The following MDM1 variants were observed in gnomAD, a reference collection of about 807,000 sequenced individuals.
The protein encoded by MDM1 is stabilizer of axonemal microtubules 6.
MDM1 carries 61 observed loss-of-function variants against 89.1 expected under a neutral mutation model. That is an observed-to-expected ratio of 0.68 (90% CI 0.56 to 0.85). MDM1 has a LOEUF of 0.85. Among genes scored for constraint, MDM1 ranks in the 40% least tolerant of loss-of-function variants. The pLI is 0.00. For missense variants in MDM1, 820 were observed against 846.5 expected, an observed-to-expected ratio of 0.97 and a Z score of 0.39; for synonymous variants, 290 against 294.1, an observed-to-expected ratio of 0.99 and a Z score of 0.14.
chr12:68,324,889 G>T, intron 4 of MDM1: 1 of 475,908 alleles, frequency 2.1e-6, no homozygotes, highest in Non-Finnish European at 2.7e-6. Flanking sequence ...AATTGTGCAG[G>T]AGTATAATGA....
chr12:68,329,180 A>T (rs1056290855), intron 2 of MDM1, among the ~76,000 whole-genome samples: 2 of 152,186 alleles, frequency 1.3e-5, no homozygotes, highest in Non-Finnish European at 2.9e-5. Context: ...GGTCATTTGT[A>T]AAAAGAGGAT....
At chr12:68,295,839 T>C (rs189766003) in intron 14 of MDM1, among the ~76,000 whole-genome samples, 4 of 152,348 alleles carry the variant, frequency 2.6e-5, no homozygotes, top group Admixed American at 6.5e-5. Context: ...GATTTTAATA[T>C]GCTACCCTTC....
rs186793573 is a variant in MDM1 at position 68,295,006 on chromosome 12, C to T, written c.*248G>A. 2.4e-3 allele frequency: 564 copies of T among 230,462 alleles called. 2 individuals carry two copies. Among genetic ancestry groups the T allele is most frequent in the African/African-American group, 0.012 (522 of 43,298 alleles). The allele number at this position is 230,462 out of a possible 1,614,324, so 14.3% of individuals were successfully genotyped here. ...GAAAATCTATCCATGACACCTATTA[C>T]GAAAGTTACATGTGAAGAATTCAAT... On this transcript the variant is annotated 3_prime_UTR_variant, in exon 15 of 15. Coordinates refer to ENST00000682720, the MANE Select transcript of MDM1 (RefSeq NM_001354969.2).
chr12:68,327,407 A>C, intron 2 of MDM1: 3 of 1,535,734 alleles, frequency 2.0e-6, no homozygotes, highest in Non-Finnish European at 2.6e-6. Flanking sequence ...GTACTGTCAA[A>C]ATTTGGAACT....
intron 14 of MDM1, among the ~76,000 whole-genome samples, chr12:68,296,228 G>A (rs1447021556): frequency 2.0e-5 from 3 of 152,234 alleles, no homozygotes; most frequent in African/African-American, 4.8e-5. Flanking sequence ...GGCTGGGCAT[G>A]GTGGCTCACG....
intron 10 of MDM1, 94 bp downstream of exon 10, chr12:68,314,854 A>T (rs958280811): frequency 9.1e-6 from 10 of 1,093,924 alleles, no homozygotes; most frequent in Non-Finnish European, 1.3e-5. Context: ...TATTAGTCAT[A>T]AAATCAAAAG....
rs1872360304 is a variant in MDM1 at position 68,302,786 on chromosome 12, T to C, written c.1836A>G (p.Glu612=). 1.9e-6 allele frequency: 3 copies of C among 1,613,592 alleles called. No individual in the cohort carries two copies. Among genetic ancestry groups the C allele is most frequent in the African/African-American group, 2.7e-5 (2 of 74,820 alleles). The stretch of plus-strand genomic sequence containing the variant: ...CCTCAGCAAATTTGTGGATATTGTC[T>C]TCAGAATCTTCCCGCAAAGGCAGAG... ...VDPLPLREDS[E]DNIHKFAEAT... The change falls in exon 13 of 15, where the codon GAA becomes GAG. Residue 612 remains glutamate, a synonymous_variant. Transcript: ENST00000682720.
intron 12 of MDM1, among the ~76,000 whole-genome samples, chr12:68,303,390 C>A (rs1398834307): frequency 6.6e-6 from 1 of 152,018 alleles, no homozygotes; most frequent in Non-Finnish European, 1.5e-5. Context: ...AAACTGGCAA[C>A]CTCATAGACT....
rs773204870 is a variant in MDM1 at position 68,302,601 on chromosome 12, T to A, written c.2002+19A>T. 10 of 1,594,296 alleles carry A rather than the reference T, an allele frequency of 6.3e-6. No individual in the cohort carries two copies. The East Asian group carries it at 2.0e-4, about 32-fold the overall frequency. ...ACACTTTATTTTAAAAGACAAAAAA[T>A]TAAAACCAAAATAATTACCATTGTG... On this transcript the variant is annotated intron_variant, in intron 13 of 14. Transcript: ENST00000682720.
chr12:68,296,410 A>G (rs1282539536), intron 14 of MDM1, among the ~76,000 whole-genome samples: 4 of 152,234 alleles, frequency 2.6e-5, no homozygotes, highest in African/African-American at 9.6e-5. Flanking sequence ...AGGCAGGAGA[A>G]TCGCTTGAAC....
chr12:68,304,248 A>C (rs1401135358), intron 12 of MDM1, among the ~76,000 whole-genome samples: 1 of 151,188 alleles, frequency 6.6e-6, no homozygotes, highest in Non-Finnish European at 1.5e-5. Context: ...ATATCTATTT[A>C]TTTAAAAAAA....
chr12:68,331,153 G>A lies in MDM1; in HGVS notation c.87C>T (p.Ser29=), dbSNP rs1324285271. 3 of 1,611,966 alleles carry A rather than the reference G, an allele frequency of 1.9e-6. No homozygotes were observed. Among genetic ancestry groups the A allele is most frequent in the South Asian group, 2.2e-5 (2 of 91,042 alleles). ...CAGCCCATGGGTACTTTCGCCCCAC[G>A]GAGGAATTACAAGACTCGGACAAAT... is the stretch of plus-strand genomic sequence containing the variant. ...KSYLSESCNS[S]VGRKYPWAGL... The change falls in exon 2 of 15, where the codon TCC becomes TCT. Residue 29 remains serine, a synonymous_variant. Coordinates refer to ENST00000682720, the MANE Select transcript of MDM1 (RefSeq NM_001354969.2).
intron 3 of MDM1, 35 bp downstream of exon 3, chr12:68,326,622 A>G: frequency 6.2e-7 from 1 of 1,614,120 alleles, no homozygotes; most frequent in Non-Finnish European, 8.5e-7. Context: ...GAAGAATTCT[A>G]TGCTTTTGAA....
At chr12:68,296,303 T>G (rs112299649) in intron 14 of MDM1, among the ~76,000 whole-genome samples, 7,389 of 152,134 alleles carry the variant, frequency 0.049, 440 homozygotes, top group African/African-American at 0.14. Flanking sequence ...TTTGAGACCA[T>G]CCTGGCCAAC....
intron 5 of MDM1, 57 bp downstream of exon 5, chr12:68,323,016 G>A (rs1043800590): frequency 1.6e-5 from 24 of 1,524,138 alleles, no homozygotes; most frequent in South Asian, 2.5e-5. Flanking sequence ...AAACGAAAAC[G>A]TGGAGAATCT....
At position 68,316,164 on chromosome 12, in the gene MDM1, A is replaced by G; in HGVS notation, c.1125T>C (p.Ser375=). The change falls in exon 9 of 15, where the codon TCT becomes TCC. Residue 375 remains serine (S), a synonymous_variant. Transcript: ENST00000682720. ...AGACATCCCAACAGCAGTTGCTATC[A>G]GATAAAATCTGATTCAGATGGTCCC... is the stretch of plus-strand genomic sequence containing the variant. ...FSRDHLNQIL[S]DSNCCWDVSS... The G allele has an allele frequency of 6.2e-7, 1 of 1,614,130 alleles. No homozygotes were observed. Among genetic ancestry groups the G allele is most frequent in the Non-Finnish European group, 8.5e-7 (1 of 1,179,990 alleles).
At chr12:68,328,095 TC>T (rs1876273533) in intron 2 of MDM1, among the ~76,000 whole-genome samples, 1 of 152,150 alleles carries the variant, frequency 6.6e-6, no homozygotes, top group Admixed American at 6.5e-5. Flanking sequence ...TGAAACTTAC[TC>T]CAGTGCGTCC....
At position 68,314,846 on chromosome 12, in the gene MDM1, T is replaced by C. The variant is rs1874236287; in HGVS notation, c.1529+102A>G. 4.0e-6 allele frequency: 4 copies of C among 998,238 alleles called. No individual in the cohort carries two copies. The African/African-American group carries it at 4.9e-5, about 12-fold the overall frequency. 61.8% of individuals were successfully genotyped at this position (998,238 alleles called of 1,614,324 possible). ...ACATTGAAATAAAATCTGCAATTTATTAGTCATAAAATCAAAAGAGTAAAC... is the reference window on the plus strand; with the variant it reads ...ACATTGAAATAAAATCTGCAATTTACTAGTCATAAAATCAAAAGAGTAAAC... On this transcript the variant is annotated intron_variant, in intron 10 of 14. Coordinates refer to ENST00000682720, the MANE Select transcript of MDM1 (RefSeq NM_001354969.2).
chr12:68,300,570 C>A (rs1344802204), intron 13 of MDM1, among the ~76,000 whole-genome samples: 5 of 152,118 alleles, frequency 3.3e-5, no homozygotes, highest in Non-Finnish European at 7.4e-5. Flanking sequence ...CAAAGGTCAT[C>A]ATATAACGAT....
Sources: allele counts gnomAD v4.1 joint callset (sites outside exome capture counted in the v4.1 genomes callset), GRCh38; gene constraint gnomAD v4.1.1; transcripts MANE v1.5; gene names NCBI Gene and HGNC (gene_info 2026-07-23, HGNC 2026-07-21).